The following GRHL2 variants were observed in gnomAD, a reference collection of about 807,000 sequenced individuals.
GRHL2 encodes the protein grainyhead like transcription factor 2.
GRHL2 carries 21 observed loss-of-function variants against 83.8 expected under a neutral mutation model. That is an observed-to-expected ratio of 0.25 (90% CI 0.18 to 0.36). GRHL2 has a LOEUF of 0.36. GRHL2 is among the 10% of genes least tolerant of loss of function. GRHL2 has a pLI of 1.00. For synonymous variants in GRHL2, 280 were observed against 278.9 expected, an observed-to-expected ratio of 1.00 and a Z score of -0.04; for missense variants, 623 against 781.8, an observed-to-expected ratio of 0.80 and a Z score of 2.42.
At chr8:101,526,525 CTTTTTTT>C (rs33928032) in intron 1 of GRHL2, among the ~76,000 whole-genome samples, 3 of 109,654 alleles carry the variant, frequency 2.7e-5, no homozygotes, top group Admixed American at 2.0e-4. Flanking sequence ...TCTTTTTTTC[CTTTTTTT>C]TTTTTTTTTT....
chr8:101,551,280 A>G lies in GRHL2; in HGVS notation c.217-1435A>G, dbSNP rs182378010. 3.2e-3 allele frequency among the ~76,000 whole-genome samples: 482 copies of G among 152,258 alleles called. 8 individuals carry two copies. Among genetic ancestry groups the G allele is most frequent in the Admixed American group, 0.028 (422 of 15,280 alleles). On this transcript the variant is annotated intron_variant, in intron 2 of 15. Transcript: ENST00000646743. ...TCCAAGTGCTTAGAAAATTAAATTA[A>G]CTCATTTAATTTTACTAAAAACCTG...
At chr8:101,678,053 T>C in the GRHL2 span, among the ~76,000 whole-genome samples, 4 of 152,096 alleles carry the variant, frequency 2.6e-5, no homozygotes, top group Admixed American at 2.6e-4. Flanking sequence ...TTCAGCACAC[T>C]TCCGGCGAAG....
intron 1 of GRHL2, among the ~76,000 whole-genome samples, chr8:101,513,844 G>A (rs1283228248): frequency 6.6e-6 from 1 of 151,924 alleles, no homozygotes; most frequent in Non-Finnish European, 1.5e-5. Context: ...TAATGAGCTG[G>A]GAAACTTTCC....
At chr8:101,654,236 A>G (rs1022434910) in intron 14 of GRHL2, among the ~76,000 whole-genome samples, 2 of 152,250 alleles carry the variant, frequency 1.3e-5, no homozygotes, top group Admixed American at 6.5e-5. Context: ...TGTTTTGGAA[A>G]TAGAAACACC....
At chr8:101,557,503 C>T (rs1022621888) in intron 3 of GRHL2, among the ~76,000 whole-genome samples, 1 of 152,112 alleles carries the variant, frequency 6.6e-6, no homozygotes, top group Non-Finnish European at 1.5e-5. Context: ...GGATTACAGG[C>T]GTGAGTCACC....
chr8:101,666,138 C>T (rs185293782), intron 15 of GRHL2, among the ~76,000 whole-genome samples: 285 of 152,212 alleles, frequency 1.9e-3, no homozygotes, highest in African/African-American at 6.3e-3. Flanking sequence ...ATTACATGCT[C>T]AAAAAAGGGT....
At chr8:101,650,409 C>G (rs1031441589) in intron 14 of GRHL2, among the ~76,000 whole-genome samples, 6 of 152,164 alleles carry the variant, frequency 3.9e-5, no homozygotes, top group Non-Finnish European at 7.4e-5. Flanking sequence ...TGTATTTCCA[C>G]TTATCAGTTG....
intron 7 of GRHL2, among the ~76,000 whole-genome samples, chr8:101,579,764 A>G (rs1385637630): frequency 6.6e-6 from 1 of 152,214 alleles, no homozygotes; most frequent in Non-Finnish European, 1.5e-5. Flanking sequence ...GTGTCCTGGC[A>G]CATATGTCTG....
downstream of GRHL2, among the ~76,000 whole-genome samples, chr8:101,674,372 G>T (rs896592152): frequency 3.9e-5 from 6 of 152,018 alleles, no homozygotes; most frequent in Non-Finnish European, 8.8e-5. Context: ...ATGATAAAGG[G>T]GATGTCACCA....
chr8:101,593,045 C>G (rs976735816), intron 7 of GRHL2, among the ~76,000 whole-genome samples: 2 of 152,126 alleles, frequency 1.3e-5, no homozygotes, highest in Non-Finnish European at 2.9e-5. Flanking sequence ...CTCCCGAGTT[C>G]CAGTGATTCT....
At chr8:101,528,458 A>C (rs966039330) in intron 1 of GRHL2, among the ~76,000 whole-genome samples, 9 of 151,920 alleles carry the variant, frequency 5.9e-5, no homozygotes, top group Non-Finnish European at 1.3e-4. Flanking sequence ...ACAAGCAAAA[A>C]ATCAAAAACA....
At chr8:101,649,931 G>A (rs1423157504) in intron 14 of GRHL2, among the ~76,000 whole-genome samples, 4 of 152,178 alleles carry the variant, frequency 2.6e-5, no homozygotes, top group African/African-American at 9.7e-5. Flanking sequence ...GTGATTTGCA[G>A]TAAGACTTTT....
intron 9 of GRHL2, among the ~76,000 whole-genome samples, chr8:101,621,283 G>A (rs1812959263): frequency 1.3e-5 from 2 of 152,284 alleles, no homozygotes; most frequent in African/African-American, 4.8e-5. Context: ...GAAAACTGTA[G>A]CCTAACATTT....
At chr8:101,610,871 T>C (rs1812734185) in intron 8 of GRHL2, among the ~76,000 whole-genome samples, 2 of 150,920 alleles carry the variant, frequency 1.3e-5, no homozygotes, top group African/African-American at 2.5e-5. Context: ...AGCAAGTTTA[T>C]TCAGAAAGCC....
chr8:101,636,510 A>C (rs1047339636), intron 11 of GRHL2, among the ~76,000 whole-genome samples: 1 of 152,258 alleles, frequency 6.6e-6, no homozygotes. Context: ...GAAAGGACCC[A>C]CCCTGCAAAG....
At chr8:101,628,969 C>T (rs2130391574) in intron 9 of GRHL2, among the ~76,000 whole-genome samples, 1 of 152,240 alleles carries the variant, frequency 6.6e-6, no homozygotes, top group South Asian at 2.1e-4. Flanking sequence ...GGTGAAGAGG[C>T]TGTGAACATT....
intron 8 of GRHL2, among the ~76,000 whole-genome samples, chr8:101,612,481 T>TTAGATAGATAGATAGA (rs71574030): frequency 2.1e-5 from 3 of 139,592 alleles, no homozygotes; most frequent in African/African-American, 2.9e-5. Context: ...GATGGATGGA[T>TTAGATAGATAGATAGA]TAGATAGATA....
chr8:101,549,896 A>G (rs1811343007), intron 2 of GRHL2, among the ~76,000 whole-genome samples: 1 of 151,808 alleles, frequency 6.6e-6, no homozygotes, highest in South Asian at 2.1e-4. Context: ...TTTATCTCGT[A>G]TCATGGGGTA....
chr8:101,574,929 T>C lies in GRHL2; in HGVS notation c.891+1105T>C, dbSNP rs566907826. 9.8e-5 allele frequency among the ~76,000 whole-genome samples: 15 copies of C among 152,348 alleles called. No homozygotes were observed. In the East Asian group the frequency reaches 2.1e-3, roughly 22 times the overall value. On this transcript the variant is annotated intron_variant, in intron 6 of 15. Transcript: ENST00000646743. ...GAAAAAGGCACTGCTGTTTTTATGA[T>C]ATTACAGATAAGGAAACTTGGTGAT...
Sources: allele counts gnomAD v4.1 joint callset (sites outside exome capture counted in the v4.1 genomes callset), GRCh38; gene constraint gnomAD v4.1.1; transcripts MANE v1.5; gene names NCBI Gene and HGNC (gene_info 2026-07-23, HGNC 2026-07-21).